Variants in ELMO1 observed in about 807,000 individuals in gnomAD.
ELMO1 encodes engulfment and cell motility protein 1.
ELMO1 carries 26 observed loss-of-function variants against 98.9 expected under a neutral mutation model. That is an observed-to-expected ratio of 0.26 (90% CI 0.19 to 0.36). The LOEUF (loss-of-function observed/expected upper bound fraction) is 0.36, where lower values mean the gene tolerates loss of function less well. ELMO1 is among the 10% of genes least tolerant of loss of function. The pLI is 1.00. For synonymous variants in ELMO1, 346 were observed against 346.0 expected, an observed-to-expected ratio of 1.00 and a Z score of 0.00; for missense variants, 627 against 935.2, an observed-to-expected ratio of 0.67 and a Z score of 4.30.
At chr7:37,011,518 TCAA>T (rs1388331089) in intron 16 of ELMO1, among the ~76,000 whole-genome samples, 3 of 152,208 alleles carry the variant, frequency 2.0e-5, no homozygotes, top group Admixed American at 2.0e-4. Flanking sequence ...TGTGCCTAGA[TCAA>T]CAACAATAAT....
intron 4 of ELMO1, among the ~76,000 whole-genome samples, chr7:37,299,198 G>A (rs1380578609): frequency 1.5e-5 from 1 of 66,310 alleles, no homozygotes; most frequent in Non-Finnish European, 3.1e-5. Flanking sequence ...TAGATTCTGG[G>A]TATTAGCCCT....
chr7:37,368,847 C>G (rs1472880131), intron 1 of ELMO1, among the ~76,000 whole-genome samples: 29 of 152,196 alleles, frequency 1.9e-4, no homozygotes, highest in Admixed American at 1.9e-3. Flanking sequence ...ATATAAGCAT[C>G]TGGACTACAT....
chr7:37,048,049 A>G (rs775754562), intron 15 of ELMO1, among the ~76,000 whole-genome samples: 1 of 152,250 alleles, frequency 6.6e-6, no homozygotes, highest in Non-Finnish European at 1.5e-5. Flanking sequence ...TCACATCTTG[A>G]AATTTACAAC....
chr7:37,332,277 A>G (rs143794852), intron 2 of ELMO1, among the ~76,000 whole-genome samples: 224 of 152,388 alleles, frequency 1.5e-3, no homozygotes, highest in Admixed American at 3.3e-3. Context: ...CACCATAGTC[A>G]TTCCTGTTCA....
Position 36,856,967 on chromosome 7 carries a change from G to A in ELMO1, c.1984-1216C>T, listed in dbSNP as rs3734947. Among the ~76,000 whole-genome samples the A allele has an allele frequency of 6.6e-3, 1,006 of 152,280 alleles. 19 individuals are homozygous for A. In the East Asian group the frequency reaches 0.086, roughly 13 times the overall value. On this transcript the variant is annotated intron_variant, in intron 21 of 21. Transcript: ENST00000310758. ...GTTATCTGGACTGTATTCCATGGTA[G>A]CAGATCTCAACGTAAAAGTAACCAA...
chr7:37,294,529 C>T (rs960225496), intron 4 of ELMO1, among the ~76,000 whole-genome samples: 2 of 152,132 alleles, frequency 1.3e-5, no homozygotes, highest in African/African-American at 2.4e-5. Context: ...TTGAGAATGA[C>T]CTTCCCTCTA....
chr7:36,998,250 C>A (rs1210205841), intron 16 of ELMO1, among the ~76,000 whole-genome samples: 2 of 152,102 alleles, frequency 1.3e-5, no homozygotes, highest in Non-Finnish European at 2.9e-5. Context: ...TCTTTCCAGT[C>A]TTAAATTTAG....
chr7:37,347,100 T>C (rs918824384), intron 1 of ELMO1, among the ~76,000 whole-genome samples: 2 of 152,196 alleles, frequency 1.3e-5, no homozygotes, highest in African/African-American at 4.8e-5. Flanking sequence ...ATAGCAAGGC[T>C]CCTCTGGGAT....
intron 12 of ELMO1, among the ~76,000 whole-genome samples, chr7:37,212,985 G>T (rs949745804): frequency 6.6e-6 from 1 of 152,118 alleles, no homozygotes; most frequent in Non-Finnish European, 1.5e-5. Flanking sequence ...ATGCCACATA[G>T]AGTCACCAAG....
chr7:37,369,761 CA>C (rs1452549015), intron 1 of ELMO1, among the ~76,000 whole-genome samples: 4 of 148,200 alleles, frequency 2.7e-5, no homozygotes, highest in Non-Finnish European at 4.5e-5. Flanking sequence ...AAAAATATAA[CA>C]AAAAAATTTT....
Position 37,268,967 on chromosome 7 carries a change from T to C in ELMO1, c.243+2865A>G, listed in dbSNP as rs77628512. On this transcript the variant is annotated intron_variant, in intron 5 of 21. Coordinates refer to ENST00000310758, the MANE Select transcript of ELMO1 (RefSeq NM_014800.11). ...ACGCGCAGGCGTGTGTGTGCCCATG[T>C]GGATGTTGAGATGTCCTTATTTGGC... 3.1e-4 allele frequency among the ~76,000 whole-genome samples: 47 copies of C among 152,358 alleles called. 1 individual carries two copies. In the East Asian group the frequency reaches 6.4e-3, roughly 21 times the overall value.
In ELMO1 at chr7:37,236,857, T is replaced by A. The variant is rs575569314; in HGVS notation, c.450-3663A>T. On this transcript the variant is annotated intron_variant, in intron 7 of 21. Transcript: ENST00000310758. ...GTGTTTATTTCCACTCCTAGAGGAG[T>A]AATTCAGGCTCCAAACCGGGAAAGC... Among the ~76,000 whole-genome samples, 7 of 152,122 alleles carry A rather than the reference T, an allele frequency of 4.6e-5. No individual in the cohort carries two copies. The East Asian group carries it at 9.7e-4, about 21-fold the overall frequency.
chr7:37,064,974 G>A (rs1156522823), intron 15 of ELMO1, among the ~76,000 whole-genome samples: 5 of 152,194 alleles, frequency 3.3e-5, no homozygotes, highest in East Asian at 3.9e-4. Flanking sequence ...ACTGTTTAAC[G>A]ACTGGCTACC....
At chr7:37,085,939 C>T (rs1273361574) in intron 15 of ELMO1, among the ~76,000 whole-genome samples, 1 of 152,204 alleles carries the variant, frequency 6.6e-6, no homozygotes, top group Non-Finnish European at 1.5e-5. Flanking sequence ...AAAACGACAT[C>T]CACTAGCATT....
chr7:36,952,144 T>G (rs2129106378), intron 16 of ELMO1, among the ~76,000 whole-genome samples: 1 of 152,332 alleles, frequency 6.6e-6, no homozygotes, highest in African/African-American at 2.4e-5. Flanking sequence ...TCAGCATCTC[T>G]GAGGCCTGCA....
In ELMO1 at chr7:37,157,210, T is replaced by C. The variant is rs563645250; in HGVS notation, c.1087-23976A>G. ...TATGACAAATCCACAGCCAATATCA[T>C]ACTGAATGGGGAAAAACTGGAAGCA... On this transcript the variant is annotated intron_variant, in intron 13 of 21. Transcript: ENST00000310758. Among the ~76,000 whole-genome samples the C allele has an allele frequency of 2.7e-3, 407 of 152,310 alleles. 6 individuals are homozygous for C. The highest frequency in any genetic ancestry group is 9.4e-3 in the African/African-American group (390 of 41,566).
intron 5 of ELMO1, among the ~76,000 whole-genome samples, chr7:37,264,207 C>T (rs1367957761): frequency 2.0e-5 from 3 of 152,130 alleles, no homozygotes; most frequent in African/African-American, 7.2e-5. Flanking sequence ...TGTCACCCAG[C>T]ACACAGAAGT....
intron 17 of ELMO1, among the ~76,000 whole-genome samples, chr7:36,891,457 T>G (rs565018517): frequency 6.6e-6 from 1 of 152,342 alleles, no homozygotes; most frequent in East Asian, 1.9e-4. Context: ...ATTCCTGGCT[T>G]TGTTTTTGCT....
intron 4 of ELMO1, among the ~76,000 whole-genome samples, chr7:37,306,767 A>T (rs971430276): frequency 1.3e-5 from 2 of 152,226 alleles, no homozygotes; most frequent in African/African-American, 4.8e-5. Flanking sequence ...GCAGAACTCT[A>T]TGAATATAAT....
Sources: gnomAD v4.1 joint callset for allele counts (sites outside exome capture counted in the v4.1 genomes callset) on GRCh38, gnomAD v4.1.1 for gene constraint, MANE v1.5 for transcripts, NCBI Gene and HGNC (gene_info 2026-07-23, HGNC 2026-07-21) for gene names.